The following GPC6 variants were observed in gnomAD, a reference collection of about 807,000 sequenced individuals.
GPC6 encodes glypican-6.
Under a neutral mutation model 55.2 loss-of-function variants are expected in GPC6, and 14 were observed. The ratio of observed to expected loss-of-function variants is 0.25; its 90% CI spans 0.17 to 0.40. The LOEUF is 0.40. Ranked by LOEUF, GPC6 falls within the 10% of genes least tolerant of loss-of-function variation. The pLI is 1.00. For missense variants in GPC6, 641 were observed against 708.5 expected (o/e 0.90, Z 1.08); for synonymous variants, 278 against 259.6 (o/e 1.07, Z -0.68).
At chr13:94,155,200 C>T (rs498632) in intron 4 of GPC6, among the ~76,000 whole-genome samples, 130,932 of 152,060 alleles carry the variant, frequency 0.86, 56,638 homozygotes, top group East Asian at 0.98. Flanking sequence ...CCAAAACATG[C>T]CAGAAACTGA....
intron 3 of GPC6, among the ~76,000 whole-genome samples, chr13:93,875,510 C>T (rs1212257793): frequency 6.6e-6 from 1 of 152,068 alleles, no homozygotes; most frequent in Non-Finnish European, 1.5e-5. Context: ...TACCAGCCCA[C>T]CTGCTTTAAT....
In GPC6 at chr13:94,271,364, ACACG is replaced by A. The variant is rs1457238662; in HGVS notation, c.878-14983_878-14980del. On this transcript the variant is annotated intron_variant, in intron 4 of 8. Coordinates refer to ENST00000377047, the MANE Select transcript of GPC6 (RefSeq NM_005708.5). Reference sequence around the variant, plus strand: ...CCTCACACTTGTTAAATACACACACACACGCGCGCGCGCGCGCGCACACACACAC... The same window carrying A: ...CCTCACACTTGTTAAATACACACACACGCGCGCGCGCGCGCACACACACAC... Among the ~76,000 whole-genome samples the A allele has an allele frequency of 1.7e-4, 16 of 91,838 alleles. No homozygotes were observed. The East Asian group carries it at 2.3e-3, about 13-fold the overall frequency. The allele number at this position is 91,838 out of a possible 152,430, so 60.2% of individuals were successfully genotyped here.
intron 4 of GPC6, among the ~76,000 whole-genome samples, chr13:94,242,546 A>G (rs1168790131): frequency 2.0e-5 from 3 of 152,118 alleles, no homozygotes; most frequent in African/African-American, 7.2e-5. Context: ...CATATACACC[A>G]TGGAATACTA....
chr13:93,774,445 TA>T (rs1885398511), intron 2 of GPC6, among the ~76,000 whole-genome samples: 1 of 152,190 alleles, frequency 6.6e-6, no homozygotes, highest in Admixed American at 6.5e-5. Context: ...GGAGATAAGT[TA>T]TGCTAATATT....
intron 4 of GPC6, among the ~76,000 whole-genome samples, chr13:94,242,039 G>A (rs551701415): frequency 2.9e-4 from 44 of 151,816 alleles, no homozygotes; most frequent in Non-Finnish European, 2.8e-4. Context: ...ATTTACATTA[G>A]GTATATCTCC....
chr13:93,741,840 C>T (rs978564477), intron 2 of GPC6, among the ~76,000 whole-genome samples: 2 of 152,182 alleles, frequency 1.3e-5, no homozygotes, highest in Non-Finnish European at 2.9e-5. Flanking sequence ...CTCCAAATCT[C>T]TGGCAAATTC....
intron 4 of GPC6, among the ~76,000 whole-genome samples, chr13:94,067,110 A>C (rs543752978): frequency 6.6e-6 from 1 of 152,338 alleles, no homozygotes; most frequent in South Asian, 2.1e-4. Context: ...ACTAATGAGG[A>C]ATACACTACA....
chr13:94,330,633 T>G (rs1469593066), intron 6 of GPC6, among the ~76,000 whole-genome samples: 1 of 152,150 alleles, frequency 6.6e-6, no homozygotes, highest in Non-Finnish European at 1.5e-5. Context: ...AGAACCTGCA[T>G]TTCAACAAGA....
intron 2 of GPC6, among the ~76,000 whole-genome samples, chr13:93,691,492 T>A (rs1360816410): frequency 6.8e-6 from 1 of 147,756 alleles, no homozygotes; most frequent in Non-Finnish European, 1.5e-5. Context: ...TTTTTTTTTC[T>A]CTTATCACAT....
At chr13:94,037,389 A>T (rs1276376675) in intron 4 of GPC6, among the ~76,000 whole-genome samples, 1 of 151,960 alleles carries the variant, frequency 6.6e-6, no homozygotes, top group East Asian at 1.9e-4. Flanking sequence ...GTGTCTTGCT[A>T]CTCACTTGCA....
intron 6 of GPC6, among the ~76,000 whole-genome samples, chr13:94,337,727 C>A (rs1383625702): frequency 6.6e-6 from 1 of 152,094 alleles, no homozygotes; most frequent in African/African-American, 2.4e-5. Flanking sequence ...GGATTACAGG[C>A]GTAATTCATG....
At chr13:94,234,498 C>A (rs1342700505) in intron 4 of GPC6, among the ~76,000 whole-genome samples, 1 of 106,900 alleles carries the variant, frequency 9.4e-6, no homozygotes, top group African/African-American at 3.9e-5. Context: ...GGAGGCCGTT[C>A]TTTTGTTTGC....
At chr13:93,832,716 A>G (rs986772119) in intron 3 of GPC6, among the ~76,000 whole-genome samples, 16 of 152,124 alleles carry the variant, frequency 1.1e-4, no homozygotes, top group African/African-American at 3.9e-4. Flanking sequence ...GCCTCAACTG[A>G]GGTCTTTGTT....
chr13:94,189,659 G>GTA (rs1387201007), intron 4 of GPC6, among the ~76,000 whole-genome samples: 1 of 152,166 alleles, frequency 6.6e-6, no homozygotes, highest in Non-Finnish European at 1.5e-5. Context: ...AATTAAAAGA[G>GTA]TATCAAAACT....
chr13:93,747,259 G>A (rs1166734654), intron 2 of GPC6, among the ~76,000 whole-genome samples: 1 of 152,174 alleles, frequency 6.6e-6, no homozygotes, highest in Non-Finnish European at 1.5e-5. Context: ...GTGGCACCAG[G>A]ATGTTAAAAG....
intron 2 of GPC6, among the ~76,000 whole-genome samples, chr13:93,691,117 A>T (rs1221736379): frequency 6.6e-6 from 1 of 152,172 alleles, no homozygotes; most frequent in South Asian, 2.1e-4. Flanking sequence ...GAACACAGTA[A>T]GATTTTAAAT....
chr13:94,375,169 A>G (rs2139198284), intron 6 of GPC6, among the ~76,000 whole-genome samples: 1 of 151,682 alleles, frequency 6.6e-6, no homozygotes, highest in East Asian at 2.0e-4. Context: ...AGCAAGAGCA[A>G]ACACATTCAA....
chr13:94,206,128 T>C (rs937309736), intron 4 of GPC6, among the ~76,000 whole-genome samples: 2 of 152,186 alleles, frequency 1.3e-5, no homozygotes, highest in Non-Finnish European at 2.9e-5. Context: ...TTAATCCTTC[T>C]TAAGCTCCCT....
At chr13:94,094,606 T>C (rs1379436541) in intron 4 of GPC6, among the ~76,000 whole-genome samples, 1 of 152,154 alleles carries the variant, frequency 6.6e-6, no homozygotes, top group African/African-American at 2.4e-5. Flanking sequence ...AACACTGCTT[T>C]ATAAAAGGAA....
Sources: allele counts gnomAD v4.1 joint callset (sites outside exome capture counted in the v4.1 genomes callset), GRCh38; gene constraint gnomAD v4.1.1; transcripts MANE v1.5; gene names NCBI Gene and HGNC (gene_info 2026-07-23, HGNC 2026-07-21).